The following LCLAT1 variants were observed in gnomAD, a reference collection of about 807,000 sequenced individuals.
LCLAT1 encodes the protein lysocardiolipin acyltransferase 1, also known as 1-AGP acyltransferase 8.
In LCLAT1, 11 loss-of-function variants were observed where a neutral mutation model predicts 30.7. The observed-to-expected ratio is 0.36, with a 90% CI of 0.23 to 0.59. The LOEUF (loss-of-function observed/expected upper bound fraction) is 0.59, where lower values mean the gene tolerates loss of function less well. Ranked by LOEUF, LCLAT1 falls within the 20% of genes least tolerant of loss-of-function variation. The pLI is 0.77. For missense variants in LCLAT1, 402 were observed against 458.6 expected, an observed-to-expected ratio of 0.88 and a Z score of 1.13; for synonymous variants, 155 against 151.3, an observed-to-expected ratio of 1.02 and a Z score of -0.18.
At chr2:30,461,527 C>CTGAGACTA (rs1354588368) in intron 1 of LCLAT1, among the ~76,000 whole-genome samples, 1 of 152,094 alleles carries the variant, frequency 6.6e-6, no homozygotes, top group Non-Finnish European at 1.5e-5. Context: ...TCCTGAGTGG[C>CTGAGACTA]TGAGACTACA....
At chr2:30,521,995 C>T (rs755473740) in intron 1 of LCLAT1, among the ~76,000 whole-genome samples, 3 of 152,178 alleles carry the variant, frequency 2.0e-5, no homozygotes, top group Non-Finnish European at 4.4e-5. Flanking sequence ...CAGCATAATA[C>T]ATTTGAGATT....
intron 5 of LCLAT1, among the ~76,000 whole-genome samples, chr2:30,585,093 C>T (rs1666374093): frequency 1.3e-5 from 2 of 152,056 alleles, no homozygotes; most frequent in South Asian, 2.1e-4. Flanking sequence ...ATGATGGGCT[C>T]ATTTTTCAAA....
At chr2:30,517,480 C>T (rs1685237103) in intron 1 of LCLAT1, among the ~76,000 whole-genome samples, 1 of 152,338 alleles carries the variant, frequency 6.6e-6, no homozygotes, top group Non-Finnish European at 1.5e-5. Context: ...AGCTTACCCC[C>T]ACCTGCAATG....
chr2:30,603,503 T>C (rs1667287557), intron 5 of LCLAT1, among the ~76,000 whole-genome samples: 1 of 152,044 alleles, frequency 6.6e-6, no homozygotes, highest in African/African-American at 2.4e-5. Flanking sequence ...GGTTTCCAAC[T>C]GGAGAATTCT....
At chr2:30,602,231 A>G (rs999611581) in intron 5 of LCLAT1, among the ~76,000 whole-genome samples, 3 of 152,226 alleles carry the variant, frequency 2.0e-5, no homozygotes, top group African/African-American at 7.2e-5. Flanking sequence ...TTAACAGTGT[A>G]GCAGATAGAT....
rs189124448 is a variant in LCLAT1, at chr2:30,521,811, A to C, written c.-4-3776A>C. Among the ~76,000 whole-genome samples the C allele has an allele frequency of 2.6e-5, 4 of 151,984 alleles. No homozygotes were observed. The East Asian group carries it at 7.8e-4, about 29-fold the overall frequency. ...TGAGCCACCGCTGGACCAACCCCCT[A>C]AACTTATATTGTGTTGTTTCTTTGT... On this transcript the variant is annotated intron_variant, in intron 1 of 5. Coordinates refer to ENST00000379509, the MANE Select transcript of LCLAT1 (RefSeq NM_001002257.3).
chr2:30,618,697 C>G (rs1049396524), intron 5 of LCLAT1, among the ~76,000 whole-genome samples: 5 of 151,940 alleles, frequency 3.3e-5, no homozygotes, highest in Non-Finnish European at 7.4e-5. Flanking sequence ...ACATGTATAC[C>G]CAAAGCTAAA....
intron 5 of LCLAT1, among the ~76,000 whole-genome samples, chr2:30,594,003 C>A (rs1666811091): frequency 6.6e-6 from 1 of 151,240 alleles, no homozygotes; most frequent in Non-Finnish European, 1.5e-5. Flanking sequence ...TTTTATTCCA[C>A]CTATACACTA....
intron 5 of LCLAT1, among the ~76,000 whole-genome samples, chr2:30,603,288 A>C (rs986596892): frequency 6.6e-6 from 1 of 152,132 alleles, no homozygotes; most frequent in Non-Finnish European, 1.5e-5. Flanking sequence ...ATTTTAAAAA[A>C]ACCTAGCGTG....
At chr2:30,602,774 G>A (rs896833460) in intron 5 of LCLAT1, among the ~76,000 whole-genome samples, 7 of 151,354 alleles carry the variant, frequency 4.6e-5, no homozygotes, top group African/African-American at 1.7e-4. Flanking sequence ...TACTCTGACA[G>A]CAGGTTGATC....
At chr2:30,639,881 A>C (rs1434367939) in intron 5 of LCLAT1, among the ~76,000 whole-genome samples, 1 of 152,224 alleles carries the variant, frequency 6.6e-6, no homozygotes, top group Non-Finnish European at 1.5e-5. Context: ...CTGCAAATGA[A>C]GATATTTTCT....
intron 5 of LCLAT1, among the ~76,000 whole-genome samples, chr2:30,598,040 T>C (rs1168464163): frequency 6.6e-6 from 1 of 152,226 alleles, no homozygotes; most frequent in African/African-American, 2.4e-5. Flanking sequence ...GGTTTCAGTT[T>C]GCCAGTATTT....
intron 1 of LCLAT1, among the ~76,000 whole-genome samples, chr2:30,478,546 G>A (rs1683156598): frequency 6.6e-6 from 1 of 152,076 alleles, no homozygotes; most frequent in African/African-American, 2.4e-5. Flanking sequence ...GAGTGTAGTG[G>A]TGTGTGCCTA....
At chr2:30,520,972 G>T (rs918477047) in intron 1 of LCLAT1, among the ~76,000 whole-genome samples, 4 of 152,126 alleles carry the variant, frequency 2.6e-5, no homozygotes, top group African/African-American at 9.7e-5. Flanking sequence ...TACATTTTCA[G>T]ACAGTTAAGG....
chr2:30,621,529 G>GA (rs1357152023), intron 5 of LCLAT1, among the ~76,000 whole-genome samples: 1 of 152,114 alleles, frequency 6.6e-6, no homozygotes, highest in East Asian at 1.9e-4. Flanking sequence ...AAATACTGCA[G>GA]AAACATAAAA....
At position 30,572,868 on chromosome 2, in the gene LCLAT1, C is replaced by CT. The variant is rs1278916664; in HGVS notation, c.628+4695dup. 2.0e-5 allele frequency among the ~76,000 whole-genome samples: 3 copies of CT among 151,472 alleles called. No individual in the cohort carries two copies. The East Asian group carries it at 5.8e-4, about 29-fold the overall frequency. On this transcript the variant is annotated intron_variant, in intron 5 of 5. Transcript: ENST00000379509. ...CCAGTTCCTCCTCCATTTCTCTAAT[C>CT]TTTAAAAAAAAATGACATTCAAACT...
At chr2:30,640,012 ACT>A in intron 5 of LCLAT1, 103 bp from the exon 6 acceptor site, 1 of 820,334 alleles carries the variant, frequency 1.2e-6, no homozygotes, top group Non-Finnish European at 2.0e-6. Flanking sequence ...TGTGGTTCAC[ACT>A]GTCCTGATTT....
intron 1 of LCLAT1, among the ~76,000 whole-genome samples, chr2:30,507,625 C>T (rs976599740): frequency 2.0e-5 from 3 of 150,446 alleles, no homozygotes; most frequent in African/African-American, 7.3e-5. Context: ...ATCCATGTTC[C>T]TGCAAAGGAC....
chr2:30,577,043 AAGT>A (rs1038341653), intron 5 of LCLAT1, among the ~76,000 whole-genome samples: 20 of 151,130 alleles, frequency 1.3e-4, no homozygotes, highest in African/African-American at 3.9e-4. Context: ...CTCTAAATGA[AAGT>A]AGTTTTCTCC....
Sources: gnomAD v4.1 joint callset for allele counts (sites outside exome capture counted in the v4.1 genomes callset) on GRCh38, gnomAD v4.1.1 for gene constraint, MANE v1.5 for transcripts, NCBI Gene and HGNC (gene_info 2026-07-23, HGNC 2026-07-21) for gene names.